The following CCDC42 variants were observed in gnomAD, a reference collection of about 807,000 sequenced individuals.
The protein encoded by CCDC42 is coiled-coil domain-containing protein 42.
In CCDC42, 38 loss-of-function variants were observed where a neutral mutation model predicts 40.8. The observed-to-expected ratio is 0.93, with a 90% confidence interval of 0.72 to 1.22. The LOEUF (loss-of-function observed/expected upper bound fraction) is 1.22. CCDC42 is among the 50% of genes most tolerant of loss of function. The probability of loss-of-function intolerance (pLI) is 0.00; values close to 1 mark genes in which losing one functional copy is unlikely to be tolerated. For synonymous variants in CCDC42, 135 were observed against 157.5 expected (o/e 0.86, Z 1.07); for missense variants, 379 against 416.5 (o/e 0.91, Z 0.78).
intron 4 of CCDC42, among the ~76,000 whole-genome samples, chr17:8,737,634 G>A (rs1191244017): frequency 6.6e-6 from 1 of 152,160 alleles, no homozygotes; most frequent in African/African-American, 2.4e-5. Context: ...CCCGACCAGT[G>A]AGGAAACCAA....
intron 6 of CCDC42, among the ~76,000 whole-genome samples, chr17:8,731,581 T>C (rs960681912): frequency 6.6e-5 from 10 of 152,200 alleles, no homozygotes; most frequent in South Asian, 2.1e-4. Context: ...TAAAAAAGAA[T>C]GAGATCACGT....
At chr17:8,740,414 G>A (rs182861855) in intron 4 of CCDC42, among the ~76,000 whole-genome samples, 135 of 151,138 alleles carry the variant, frequency 8.9e-4, no homozygotes, top group Non-Finnish European at 1.7e-3. Context: ...CTTGAAAACC[G>A]GAAGGTGGAG....
chr17:8,731,666 T>G (rs2086580902), intron 6 of CCDC42, among the ~76,000 whole-genome samples: 1 of 152,190 alleles, frequency 6.6e-6, no homozygotes, highest in Admixed American at 6.5e-5. Flanking sequence ...AACCAAATAC[T>G]GAGTGTTCTC....
intron 3 of CCDC42, among the ~76,000 whole-genome samples, chr17:8,742,260 G>A (rs1001270575): frequency 2.6e-5 from 4 of 152,150 alleles, no homozygotes; most frequent in African/African-American, 9.7e-5. Flanking sequence ...GAGATGGGAG[G>A]CAGGAGCCCC....
chr17:8,744,724 CAGGGTCCCACAGATGATGGAGTTTGAG>C lies in CCDC42; in HGVS notation c.-142_-116del. On this transcript the variant is annotated 5_prime_UTR_variant, in exon 1 of 7. Transcript: ENST00000293845. ...CACTCTTGTTTCTCCCTTCGGCCTA[CAGGGTCCCACAGATGATGGAGTTTGAG>C]ACTCCACAGAAGGTGGCTGGAGACA... 1.4e-6 allele frequency: 1 copy of C among 714,402 alleles called. No homozygotes were observed. 44.3% of individuals were successfully genotyped at this position (714,402 alleles called of 1,614,324 possible).
intron 4 of CCDC42, among the ~76,000 whole-genome samples, chr17:8,738,012 G>T (rs1049190197): frequency 2.1e-5 from 3 of 142,598 alleles, no homozygotes; most frequent in Admixed American, 6.7e-5. Context: ...TGCAGATTTG[G>T]GGGGGGTCTC....
At position 8,743,709 on chromosome 17, in the gene CCDC42, T is replaced by C; in HGVS notation, c.211A>G (p.Thr71Ala). ...AGTTCCTCCCAGCGCAGGTTCAGGGTTTCCATTCTGCGCTGAAACATCTTT... is the reference window on the plus strand; with the variant it reads ...AGTTCCTCCCAGCGCAGGTTCAGGGCTTCCATTCTGCGCTGAAACATCTTT... ...KKKMFQRRME[T>A]LNLRWEELGV... is the part of the protein sequence containing the mutation. Residue 71 changes from threonine to alanine, a missense_variant, in exon 3 of 7, where the codon ACC (threonine) becomes GCC (alanine). Physicochemically the swap from Thr to Ala is moderately conservative, Grantham distance 58. Coordinates refer to ENST00000293845, the MANE Select transcript of CCDC42 (RefSeq NM_144681.3). The C allele has an allele frequency of 6.2e-7, 1 of 1,610,902 alleles. No homozygotes were observed. The highest frequency in any genetic ancestry group is 1.3e-5 in the African/African-American group (1 of 74,846).
chr17:8,739,027 T>C (rs2086626912), intron 4 of CCDC42, among the ~76,000 whole-genome samples: 1 of 152,184 alleles, frequency 6.6e-6, no homozygotes. Context: ...AGCAAAGCTG[T>C]GTGATGAGTA....
rs754983758 is a variant in CCDC42 at position 8,735,588 on chromosome 17, A to C, written c.516T>G (p.Ile172Met). Residue 172 changes from isoleucine to methionine, a missense_variant, in exon 5 of 7, where the codon ATT (isoleucine) becomes ATG (methionine). Coordinates refer to ENST00000293845, the MANE Select transcript of CCDC42 (RefSeq NM_144681.3). The surrounding 1 kb of genome is among the most constrained non-coding windows in gnomAD (Gnocchi z 4.7). ...TGCTCACCAGCGTCTTGTAGCGTGC[A>C]ATCACCTCATGGATCTCCTCGAACT... is the stretch of plus-strand genomic sequence containing the variant. Reference protein sequence around the residue: ...NSEFEEIHEVIARYKTLVSMR... With the variant: ...NSEFEEIHEVMARYKTLVSMR... The C allele has an allele frequency of 6.2e-7, 1 of 1,614,026 alleles. No individual in the cohort carries two copies. The highest frequency in any genetic ancestry group is 8.5e-7 in the Non-Finnish European group (1 of 1,180,002).
chr17:8,741,701 G>A (rs749163131), intron 3 of CCDC42, 30 bp from the exon 4 acceptor site: 2 of 1,602,356 alleles, frequency 1.2e-6, no homozygotes, highest in Admixed American at 1.7e-5. Context: ...CGCTGGTCAG[G>A]AAGCCTCGCC....
At chr17:8,739,328 G>T (rs1230532429) in intron 4 of CCDC42, among the ~76,000 whole-genome samples, 2 of 152,210 alleles carry the variant, frequency 1.3e-5, no homozygotes, top group African/African-American at 4.8e-5. Context: ...TTCTGGCGGG[G>T]CTGTGAGTGG....
intron 4 of CCDC42, among the ~76,000 whole-genome samples, chr17:8,738,090 C>T (rs112011128): frequency 9.9e-5 from 15 of 152,250 alleles, no homozygotes; most frequent in African/African-American, 3.4e-4. Flanking sequence ...CCTCCCAAAG[C>T]ACTGAGATTA....
At position 8,741,492 on chromosome 17, in the gene CCDC42, C is replaced by G; in HGVS notation, c.474G>C (p.Lys158Asn). 1 of 1,614,220 alleles carries G rather than the reference C, an allele frequency of 6.2e-7. No individual in the cohort carries two copies. The highest frequency in any genetic ancestry group is 1.1e-5 in the South Asian group (1 of 91,068). ...DYYIFNKYLE[K>N]VVENSEFEEI... ...GACTCACCTCGGAGTTCTCCACCACCTTCTCTAGGTACTTGTTGAAGATGT... is the reference window on the plus strand; with the variant it reads ...GACTCACCTCGGAGTTCTCCACCACGTTCTCTAGGTACTTGTTGAAGATGT... Residue 158 changes from lysine to asparagine, a missense_variant, in exon 4 of 7, where the codon AAG becomes AAC. Coordinates refer to ENST00000293845, the MANE Select transcript of CCDC42 (RefSeq NM_144681.3).
At chr17:8,738,591 G>A (rs1396642768) in intron 4 of CCDC42, among the ~76,000 whole-genome samples, 1 of 151,628 alleles carries the variant, frequency 6.6e-6, no homozygotes, top group Non-Finnish European at 1.5e-5. Flanking sequence ...TCAGCCTCCG[G>A]AGTAGCTGAG....
chr17:8,738,755 G>A (rs2086625756), intron 4 of CCDC42, among the ~76,000 whole-genome samples: 1 of 152,058 alleles, frequency 6.6e-6, no homozygotes, highest in South Asian at 2.1e-4. Flanking sequence ...GTGAGCCACC[G>A]CACCTGGCTA....
chr17:8,742,905 A>G (rs970317159), intron 3 of CCDC42, among the ~76,000 whole-genome samples: 2 of 152,108 alleles, frequency 1.3e-5, no homozygotes, highest in Admixed American at 6.5e-5. Context: ...ACCACTCCAT[A>G]AGTGTTTCTC....
chr17:8,733,962 T>A (rs1456323311), intron 6 of CCDC42, among the ~76,000 whole-genome samples: 2 of 152,094 alleles, frequency 1.3e-5, no homozygotes, highest in African/African-American at 2.4e-5. Flanking sequence ...TTTGCCTTTT[T>A]TTCGCTCTTA....
intron 6 of CCDC42, among the ~76,000 whole-genome samples, chr17:8,730,897 A>G (rs1163763757): frequency 2.6e-5 from 4 of 152,152 alleles, no homozygotes; most frequent in South Asian, 2.1e-4. Flanking sequence ...GCCTTCCACA[A>G]CTTCACCGCC....
intron 4 of CCDC42, among the ~76,000 whole-genome samples, chr17:8,736,947 G>C (rs537890284): frequency 3.0e-4 from 44 of 144,446 alleles, no homozygotes; most frequent in Middle Eastern, 3.5e-3. Context: ...GAAAGAAAGA[G>C]GGAAGGAGGA....
Sources: allele counts gnomAD v4.1 joint callset (sites outside exome capture counted in the v4.1 genomes callset), GRCh38; gene constraint gnomAD v4.1.1; non-coding constraint Gnocchi (gnomAD v3.1); transcripts MANE v1.5; gene names NCBI Gene and HGNC (gene_info 2026-07-23, HGNC 2026-07-21).